PDE1A: variants seen among roughly 807,000 people sequenced by gnomAD.
PDE1A encodes phosphodiesterase 1A, also known as dual specificity calcium/calmodulin-dependent 3',5'-cyclic nucleotide phosphodiesterase 1A.
A neutral mutation model predicts 61.7 loss-of-function variants in PDE1A; 35 were observed. The observed-to-expected ratio is 0.57, with a 90% CI of 0.43 to 0.75. PDE1A has a LOEUF of 0.75. Ranked by LOEUF, PDE1A falls within the 30% of genes least tolerant of loss-of-function variation. The probability of loss-of-function intolerance (pLI) is 0.00; values close to 1 mark genes in which losing one functional copy is unlikely to be tolerated. For synonymous variants in PDE1A, 232 were observed against 213.2 expected (o/e 1.09, Z -0.77); for missense variants, 597 against 630.6 (o/e 0.95, Z 0.57).
chr2:182,575,798 TATTA>T, the PDE1A span, among the ~76,000 whole-genome samples: 6 of 146,708 alleles, frequency 4.1e-5, no homozygotes, highest in African/African-American at 1.5e-4. Flanking sequence ...TAATTAGTAT[TATTA>T]ATTATTAATT....
At chr2:182,329,034 T>C (rs1697228744) in intron 1 of PDE1A, among the ~76,000 whole-genome samples, 1 of 152,152 alleles carries the variant, frequency 6.6e-6, no homozygotes, top group East Asian at 1.9e-4. Context: ...GTTCTTAAAG[T>C]GGTCTAAGTA....
downstream of PDE1A, among the ~76,000 whole-genome samples, chr2:182,144,901 A>G (rs1026262336): frequency 5.9e-5 from 9 of 152,142 alleles, no homozygotes; most frequent in Non-Finnish European, 8.8e-5. Context: ...CTGCCAGAGT[A>G]AAAATCTGCC....
chr2:182,693,677 C>T, the PDE1A span, among the ~76,000 whole-genome samples: 1 of 147,436 alleles, frequency 6.8e-6, no homozygotes, highest in Non-Finnish European at 1.5e-5. Context: ...GGAAACACTC[C>T]ACACTGTTGC....
the PDE1A span, among the ~76,000 whole-genome samples, chr2:182,640,672 C>A: frequency 6.6e-6 from 1 of 151,832 alleles, no homozygotes; most frequent in Admixed American, 6.6e-5. Flanking sequence ...GTATAATACA[C>A]AATTATATTC....
intron 1 of PDE1A, among the ~76,000 whole-genome samples, chr2:182,334,372 C>T (rs1697639208): frequency 6.6e-6 from 1 of 151,862 alleles, no homozygotes; most frequent in Non-Finnish European, 1.5e-5. Flanking sequence ...TGCAAAAATC[C>T]TCAATAAAAT....
At chr2:182,606,386 G>T in the PDE1A span, among the ~76,000 whole-genome samples, 18 of 152,120 alleles carry the variant, frequency 1.2e-4, no homozygotes, top group African/African-American at 4.3e-4. Flanking sequence ...CACCATGTTG[G>T]CCAGGCTGTT....
At chr2:182,572,062 G>C in the PDE1A span, among the ~76,000 whole-genome samples, 1 of 152,184 alleles carries the variant, frequency 6.6e-6, no homozygotes, top group African/African-American at 2.4e-5. Context: ...GAGAGGCAGA[G>C]ACTTTTTTTG....
intron 2 of PDE1A, among the ~76,000 whole-genome samples, chr2:182,489,985 TGTAAAAATAA>T (rs1688278094): frequency 1.8e-5 from 1 of 55,792 alleles, no homozygotes. Flanking sequence ...AATTCCAATG[TGTAAAAATAA>T]GGAGAAATCA....
intron 13 of PDE1A, among the ~76,000 whole-genome samples, chr2:182,151,397 G>A (rs1349775258): frequency 2.6e-5 from 4 of 152,026 alleles, no homozygotes; most frequent in Non-Finnish European, 4.4e-5. Flanking sequence ...GAGCCACCAC[G>A]CCCTGCCCCC....
In PDE1A at chr2:182,347,442, A is replaced by G. The variant is rs185359440; in HGVS notation, c.53+79136T>C. On this transcript the variant is annotated intron_variant, in intron 1 of 13. Coordinates refer to ENST00000351439, the Ensembl canonical transcript of PDE1A. ...TGTATAACTCATATATTCAGTCCCA[A>G]TATTAATCTACTTGGGTATCCATTT... 2.4e-3 allele frequency among the ~76,000 whole-genome samples: 367 copies of G among 152,278 alleles called. 1 individual carries two copies. The highest frequency in any genetic ancestry group is 4.0e-3 in the Non-Finnish European group (274 of 67,984).
intron 1 of PDE1A, among the ~76,000 whole-genome samples, chr2:182,297,818 T>G (rs908341695): frequency 1.3e-5 from 2 of 152,206 alleles, no homozygotes; most frequent in Admixed American, 1.3e-4. Context: ...TCTCACTCCA[T>G]TTATGGTATA....
chr2:182,473,187 C>T (rs189689879), intron 2 of PDE1A, among the ~76,000 whole-genome samples: 2 of 151,986 alleles, frequency 1.3e-5, no homozygotes, highest in African/African-American at 4.8e-5. Flanking sequence ...AGAAGAAAAC[C>T]TAGGCATTAC....
chr2:182,402,077 T>C (rs1309435970), intron 1 of PDE1A, among the ~76,000 whole-genome samples: 1 of 152,044 alleles, frequency 6.6e-6, no homozygotes, highest in African/African-American at 2.4e-5. Context: ...AGAATCAATA[T>C]TGTGAAAATA....
intron 2 of PDE1A, among the ~76,000 whole-genome samples, chr2:182,454,964 C>G (rs184143682): frequency 1.3e-5 from 2 of 151,510 alleles, no homozygotes; most frequent in African/African-American, 2.4e-5. Flanking sequence ...TCAGAGTAAA[C>G]AGGCAACCTA....
chr2:182,544,922 G>C, the PDE1A span, among the ~76,000 whole-genome samples: 1 of 152,038 alleles, frequency 6.6e-6, no homozygotes, highest in Non-Finnish European at 1.5e-5. Context: ...AGGATGAAAA[G>C]GAATAAACAG....
the PDE1A span, among the ~76,000 whole-genome samples, chr2:182,673,597 T>C: frequency 2.6e-5 from 4 of 152,082 alleles, no homozygotes; most frequent in Non-Finnish European, 5.9e-5. Context: ...TTAAACATTT[T>C]AAATAAGTAA....
the PDE1A span, among the ~76,000 whole-genome samples, chr2:182,669,379 G>A: frequency 6.6e-6 from 1 of 152,218 alleles, no homozygotes; most frequent in Non-Finnish European, 1.5e-5. Context: ...GTTCCCAGAT[G>A]TGGGTTTTTA....
chr2:182,449,325 G>C (rs1275046820), intron 2 of PDE1A, among the ~76,000 whole-genome samples: 1 of 151,052 alleles, frequency 6.6e-6, no homozygotes, highest in East Asian at 2.0e-4. Context: ...CAGAGAGAGA[G>C]AGAAAGAGAA....
intron 2 of PDE1A, among the ~76,000 whole-genome samples, chr2:182,472,224 A>T (rs967020083): frequency 1.5e-4 from 23 of 152,084 alleles, no homozygotes; most frequent in African/African-American, 5.1e-4. Context: ...CCAAAGGAAA[A>T]GAAAAATCAT....
Sources: gnomAD v4.1 joint callset for allele counts (sites outside exome capture counted in the v4.1 genomes callset) on GRCh38, gnomAD v4.1.1 for gene constraint, MANE v1.5 for transcripts, NCBI Gene and HGNC (gene_info 2026-07-23, HGNC 2026-07-21) for gene names.